CCSER1: variants seen among roughly 807,000 people sequenced by gnomAD.
CCSER1 encodes coiled-coil serine rich protein 1, also known as serine-rich coiled-coil domain-containing protein 1.
A neutral mutation model predicts 82.0 loss-of-function variants in CCSER1; 41 were observed. The ratio of observed to expected loss-of-function variants is 0.50; its 90% CI spans 0.39 to 0.65. The LOEUF (loss-of-function observed/expected upper bound fraction) is 0.65, where lower values mean the gene tolerates loss of function less well. CCSER1 is among the 30% of genes least tolerant of loss of function. CCSER1 has a pLI of 0.00. For missense variants in CCSER1, 1,119 were observed against 1,064.2 expected, an observed-to-expected ratio of 1.05 and a Z score of -0.72; for synonymous variants, 414 against 383.9, an observed-to-expected ratio of 1.08 and a Z score of -0.92.
chr4:90,655,693 G>A (rs1182289369), intron 6 of CCSER1, among the ~76,000 whole-genome samples: 1 of 151,850 alleles, frequency 6.6e-6, no homozygotes, highest in Non-Finnish European at 1.5e-5. Context: ...AGTATTGAGA[G>A]GATCCCTAAA....
chr4:90,544,298 AT>A (rs35192841), intron 5 of CCSER1, among the ~76,000 whole-genome samples: 4 of 152,148 alleles, frequency 2.6e-5, no homozygotes. Flanking sequence ...CACCTTAAGT[AT>A]TTATAATTCA....
intron 10 of CCSER1, among the ~76,000 whole-genome samples, chr4:91,550,296 C>G (rs745945688): frequency 1.3e-5 from 2 of 152,196 alleles, no homozygotes; most frequent in East Asian, 1.9e-4. Context: ...ATTGTGGCAC[C>G]GTATGTCACT....
chr4:90,700,768 T>C (rs188992480), intron 6 of CCSER1, among the ~76,000 whole-genome samples: 1 of 152,380 alleles, frequency 6.6e-6, no homozygotes, highest in East Asian at 1.9e-4. Context: ...CATGTGTCTG[T>C]TGGCTGCATA....
At position 91,053,594 on chromosome 4, in the gene CCSER1, C is replaced by T. The variant is rs867684004; in HGVS notation, c.2173-32356C>T. Among the ~76,000 whole-genome samples the T allele has an allele frequency of 1.9e-4, 29 of 152,142 alleles. 1 individual carries two copies. The highest frequency in any genetic ancestry group is 7.9e-4 in the Admixed American group (12 of 15,264). ...AGAGGATAGAGTATTTTAAACTTCC[C>T]TTCATGCTTGGGAATTTATCAATTT... On this transcript the variant is annotated intron_variant, in intron 9 of 10. Coordinates refer to ENST00000509176, the MANE Select transcript of CCSER1 (RefSeq NM_001145065.2).
chr4:90,933,289 C>G (rs192427651), intron 9 of CCSER1, among the ~76,000 whole-genome samples: 59,227 of 148,832 alleles, frequency 0.4, 12,134 homozygotes, highest in African/African-American at 0.47. Flanking sequence ...CCGGGTTCAC[C>G]GCATTCTCCT....
At chr4:90,790,243 A>T (rs754541548) in intron 7 of CCSER1, among the ~76,000 whole-genome samples, 29 of 152,226 alleles carry the variant, frequency 1.9e-4, no homozygotes, top group Non-Finnish European at 4.0e-4. Context: ...GGAGTAATTT[A>T]TACTGTACCC....
intron 5 of CCSER1, among the ~76,000 whole-genome samples, chr4:90,529,241 G>C (rs145509124): frequency 6.6e-6 from 1 of 151,944 alleles, no homozygotes; most frequent in Non-Finnish European, 1.5e-5. Flanking sequence ...TTGCGAGTGA[G>C]TCTCACTCTG....
chr4:91,081,770 C>T (rs986561259), intron 9 of CCSER1, among the ~76,000 whole-genome samples: 1 of 151,906 alleles, frequency 6.6e-6, no homozygotes, highest in Non-Finnish European at 1.5e-5. Flanking sequence ...ACACCAATAA[C>T]AGACAAACAG....
chr4:90,759,858 T>A (rs1750156346), intron 7 of CCSER1, among the ~76,000 whole-genome samples: 1 of 152,170 alleles, frequency 6.6e-6, no homozygotes, highest in Admixed American at 6.5e-5. Context: ...AGCAAAATTA[T>A]TAATTTCAAA....
At chr4:90,713,161 A>T (rs1165963605) in intron 6 of CCSER1, among the ~76,000 whole-genome samples, 1 of 151,886 alleles carries the variant, frequency 6.6e-6, no homozygotes, top group African/African-American at 2.4e-5. Context: ...TAATACCGTT[A>T]TGTGTGAATT....
At chr4:90,566,318 G>A (rs1475949322) in intron 5 of CCSER1, among the ~76,000 whole-genome samples, 2 of 151,724 alleles carry the variant, frequency 1.3e-5, no homozygotes, top group Non-Finnish European at 2.9e-5. Context: ...TATAGGTTTG[G>A]AAATATTCTT....
intron 10 of CCSER1, among the ~76,000 whole-genome samples, chr4:91,598,280 C>T (rs1764674656): frequency 6.6e-6 from 1 of 152,052 alleles, no homozygotes; most frequent in Non-Finnish European, 1.5e-5. Context: ...TATAAATCAC[C>T]TTTTACTTAA....
At chr4:91,532,197 G>A (rs1761068988) in intron 10 of CCSER1, among the ~76,000 whole-genome samples, 1 of 152,142 alleles carries the variant, frequency 6.6e-6, no homozygotes, top group African/African-American at 2.4e-5. Context: ...TTGAAGGAGA[G>A]TTTGGATTTT....
At chr4:90,191,897 T>C (rs1254751702) in intron 1 of CCSER1, among the ~76,000 whole-genome samples, 1 of 152,098 alleles carries the variant, frequency 6.6e-6, no homozygotes, top group East Asian at 1.9e-4. Context: ...AGTTTTCTAC[T>C]ATATACTAGA....
Position 91,186,597 on chromosome 4 carries a change from G to A in CCSER1, c.2217+100603G>A, listed in dbSNP as rs562113796. The stretch of plus-strand genomic sequence containing the variant: ...CACACACACAGAAATATAGAGGTGC[G>A]CAGTGGGAAATCAGGGGTCTCACAA... On this transcript the variant is annotated intron_variant, in intron 10 of 10. Coordinates refer to ENST00000509176, the MANE Select transcript of CCSER1 (RefSeq NM_001145065.2). 1.0e-3 allele frequency among the ~76,000 whole-genome samples: 153 copies of A among 152,238 alleles called. 1 individual carries two copies. Among genetic ancestry groups the A allele is most frequent in the African/African-American group, 3.3e-3 (139 of 41,540 alleles).
intron 10 of CCSER1, among the ~76,000 whole-genome samples, chr4:91,148,084 T>C (rs553382286): frequency 3.5e-4 from 54 of 152,202 alleles, no homozygotes; most frequent in Non-Finnish European, 5.1e-4. Flanking sequence ...TAACATGGAA[T>C]AGAGAATCAA....
intron 8 of CCSER1, chr4:90,918,328 G>A (rs936995354): frequency 2.1e-5 from 9 of 435,284 alleles, no homozygotes; most frequent in Non-Finnish European, 4.1e-5. Flanking sequence ...TTTTATGTAG[G>A]TAATTCAAAT....
chr4:90,571,128 G>T (rs1780070243), intron 5 of CCSER1, among the ~76,000 whole-genome samples: 1 of 152,208 alleles, frequency 6.6e-6, no homozygotes, highest in Non-Finnish European at 1.5e-5. Flanking sequence ...ATAACTGTTG[G>T]TGGGGATGTA....
At chr4:90,131,293 G>A (rs921847735) in intron 1 of CCSER1, among the ~76,000 whole-genome samples, 1 of 152,334 alleles carries the variant, frequency 6.6e-6, no homozygotes, top group East Asian at 1.9e-4. Context: ...GAGCTACCAC[G>A]CCTGGCTTAT....
Sources: gnomAD v4.1 joint callset for allele counts (sites outside exome capture counted in the v4.1 genomes callset) on GRCh38, gnomAD v4.1.1 for gene constraint, MANE v1.5 for transcripts, NCBI Gene and HGNC (gene_info 2026-07-23, HGNC 2026-07-21) for gene names.